Variants in CTNNA3 observed in about 807,000 individuals in gnomAD.
The protein encoded by CTNNA3 is catenin alpha-3.
A neutral mutation model predicts 95.7 loss-of-function variants in CTNNA3; 76 were observed. That is an observed-to-expected ratio of 0.79 (90% confidence interval 0.66 to 0.96). The LOEUF (loss-of-function observed/expected upper bound fraction) is 0.96. CTNNA3 is among the 40% of genes least tolerant of loss of function. The pLI is 0.00. For missense variants in CTNNA3, 1,191 were observed against 1,089.8 expected, an observed-to-expected ratio of 1.09 and a Z score of -1.31; for synonymous variants, 431 against 374.4, an observed-to-expected ratio of 1.15 and a Z score of -1.74.
At chr10:67,758,478 C>T (rs1267970159) in intron 1 of CTNNA3, among the ~76,000 whole-genome samples, 1 of 151,572 alleles carries the variant, frequency 6.6e-6, no homozygotes, top group East Asian at 1.9e-4. Context: ...ATGACAGTAT[C>T]TTGTAAAGAA....
In CTNNA3 at chr10:66,038,993, A is replaced by T. The variant is rs953611318; in HGVS notation, c.2159+30315T>A. ...GACCACATGATTCTATATCTAGAAA[A>T]TCCCATAGTCTCAACCCCAAAGCTC... On this transcript the variant is annotated intron_variant, in intron 15 of 17. Transcript: ENST00000433211. 3.9e-5 allele frequency among the ~76,000 whole-genome samples: 6 copies of T among 152,206 alleles called. No individual in the cohort carries two copies. In the South Asian group the frequency reaches 6.2e-4, roughly 16 times the overall value.
At chr10:67,702,740 T>C (rs1459213399) in intron 1 of CTNNA3, among the ~76,000 whole-genome samples, 1 of 151,820 alleles carries the variant, frequency 6.6e-6, no homozygotes, top group Non-Finnish European at 1.5e-5. Flanking sequence ...ACCAAACACA[T>C]TCAAAAGCTA....
chr10:67,412,972 A>G (rs1448916440), intron 5 of CTNNA3, among the ~76,000 whole-genome samples: 2 of 152,128 alleles, frequency 1.3e-5, no homozygotes, highest in Non-Finnish European at 2.9e-5. Flanking sequence ...ATACAATGAT[A>G]GAATCAAAAT....
rs1589259269 is a variant in CTNNA3, at chr10:66,022,173, A to G, written c.2160-33376T>C. On this transcript the variant is annotated intron_variant, in intron 15 of 17. Transcript: ENST00000433211. ...ATGCCCAGCCTCGAAGATGTCTTTCATAAACGTAAGGATTTGATTTTTGAC... is the reference window on the plus strand; with the variant it reads ...ATGCCCAGCCTCGAAGATGTCTTTCGTAAACGTAAGGATTTGATTTTTGAC... Among the ~76,000 whole-genome samples, 7 of 152,194 alleles carry G rather than the reference A, an allele frequency of 4.6e-5. No individual in the cohort carries two copies. The South Asian group carries it at 1.5e-3, about 32-fold the overall frequency.
intron 6 of CTNNA3, among the ~76,000 whole-genome samples, chr10:67,214,617 T>C (rs1212436228): frequency 6.6e-6 from 1 of 151,988 alleles, no homozygotes; most frequent in East Asian, 1.9e-4. Flanking sequence ...TATTTTTCTT[T>C]AACAATTTCT....
chr10:66,749,133 G>A, intron 9 of CTNNA3, among the ~76,000 whole-genome samples: 1 of 145,712 alleles, frequency 6.9e-6, no homozygotes, highest in Admixed American at 7.0e-5. Context: ...AACCCGGGAG[G>A]CAGAGGTTGC....
At chr10:66,181,913 T>A (rs2086059266) in intron 13 of CTNNA3, among the ~76,000 whole-genome samples, 1 of 152,224 alleles carries the variant, frequency 6.6e-6, no homozygotes, top group Non-Finnish European at 1.5e-5. Flanking sequence ...ATCCAGTTAC[T>A]TTCCCCTTAG....
chr10:66,046,921 T>C (rs188899383), intron 15 of CTNNA3, among the ~76,000 whole-genome samples: 4 of 152,120 alleles, frequency 2.6e-5, no homozygotes, highest in African/African-American at 7.2e-5. Context: ...CTCCCAAGAC[T>C]GACCCAGAAA....
intron 5 of CTNNA3, among the ~76,000 whole-genome samples, chr10:67,488,499 A>G (rs1281637369): frequency 6.6e-6 from 1 of 151,922 alleles, no homozygotes; most frequent in Non-Finnish European, 1.5e-5. Flanking sequence ...CCCCCTGAGT[A>G]GCTGGAATTA....
chr10:66,567,980 T>G (rs1271846516), intron 10 of CTNNA3, among the ~76,000 whole-genome samples: 1 of 152,170 alleles, frequency 6.6e-6, no homozygotes, highest in Non-Finnish European at 1.5e-5. Flanking sequence ...TACACTAAAA[T>G]ATAGAGATTG....
intron 7 of CTNNA3, among the ~76,000 whole-genome samples, chr10:67,144,076 G>A (rs902416966): frequency 1.3e-5 from 2 of 152,198 alleles, no homozygotes; most frequent in Non-Finnish European, 2.9e-5. Context: ...TAGAAAGCAT[G>A]AAAACTCCAT....
intron 6 of CTNNA3, among the ~76,000 whole-genome samples, chr10:67,203,944 T>G (rs1863763279): frequency 6.6e-6 from 1 of 152,256 alleles, no homozygotes; most frequent in East Asian, 1.9e-4. Flanking sequence ...TGATGTTACC[T>G]GCAGGAGTAA....
intron 9 of CTNNA3, among the ~76,000 whole-genome samples, chr10:66,639,737 A>G (rs1845451989): frequency 6.6e-6 from 1 of 152,202 alleles, no homozygotes; most frequent in African/African-American, 2.4e-5. Context: ...ACTACCTTAA[A>G]AAGACATAAT....
At chr10:67,112,083 C>A (rs760572679) in intron 7 of CTNNA3, among the ~76,000 whole-genome samples, 33 of 152,054 alleles carry the variant, frequency 2.2e-4, no homozygotes, top group Non-Finnish European at 4.6e-4. Flanking sequence ...TAGATGTTGT[C>A]GTCAGTTTGT....
At chr10:67,716,662 T>C (rs1342696444) in intron 1 of CTNNA3, among the ~76,000 whole-genome samples, 1 of 152,220 alleles carries the variant, frequency 6.6e-6, no homozygotes, top group Non-Finnish European at 1.5e-5. Context: ...CATCCTTTTT[T>C]ATGGCTGCAT....
At chr10:67,200,026 A>G (rs10997570) in intron 6 of CTNNA3, among the ~76,000 whole-genome samples, 17,261 of 152,132 alleles carry the variant, frequency 0.11, 1,107 homozygotes, top group African/African-American at 0.18. Flanking sequence ...AGACAGGAAA[A>G]AGCAATTGAA....
chr10:66,377,911 CA>C (rs1462565286), intron 12 of CTNNA3, among the ~76,000 whole-genome samples: 1 of 152,036 alleles, frequency 6.6e-6, no homozygotes, highest in Non-Finnish European at 1.5e-5. Flanking sequence ...GTGGATATAG[CA>C]ATATAAATTT....
At chr10:66,270,155 T>C (rs1023464470) in intron 13 of CTNNA3, among the ~76,000 whole-genome samples, 1 of 151,534 alleles carries the variant, frequency 6.6e-6, no homozygotes, top group African/African-American at 2.4e-5. Context: ...ATGATTACAT[T>C]TTGAACAAAT....
intron 7 of CTNNA3, among the ~76,000 whole-genome samples, chr10:67,048,640 T>C (rs568475586): frequency 6.6e-6 from 1 of 152,196 alleles, no homozygotes; most frequent in South Asian, 2.1e-4. Flanking sequence ...CTTTTTATTT[T>C]GAGAGCTGCA....
Sources: gnomAD v4.1 joint callset for allele counts (sites outside exome capture counted in the v4.1 genomes callset) on GRCh38, gnomAD v4.1.1 for gene constraint, MANE v1.5 for transcripts, NCBI Gene and HGNC (gene_info 2026-07-23, HGNC 2026-07-21) for gene names.